DOCK2: variants seen among roughly 807,000 people sequenced by gnomAD.
The protein encoded by DOCK2 is dedicator of cytokinesis 2.
DOCK2 carries 87 observed loss-of-function variants against 248.9 expected under a neutral mutation model. The observed-to-expected ratio is 0.35, with a 90% confidence interval of 0.29 to 0.42. The LOEUF is 0.42. Among genes scored for constraint, DOCK2 ranks in the 10% least tolerant of loss-of-function variants. DOCK2 has a pLI of 1.00. For synonymous variants in DOCK2, 805 were observed against 821.6 expected (o/e 0.98, Z 0.35); for missense variants, 1,747 against 2,300.2 (o/e 0.76, Z 4.92).
intron 38 of DOCK2, among the ~76,000 whole-genome samples, chr5:170,044,072 G>A (rs1445116439): frequency 6.6e-6 from 1 of 152,200 alleles, no homozygotes; most frequent in Non-Finnish European, 1.5e-5. Context: ...GCTCCTAGAA[G>A]GAAGCCCAAA....
intron 25 of DOCK2, among the ~76,000 whole-genome samples, chr5:169,796,971 T>A (rs1036685865): frequency 6.6e-5 from 10 of 152,172 alleles, no homozygotes; most frequent in African/African-American, 2.4e-5. Flanking sequence ...CTGAGGGCAA[T>A]AGGAAGTTAC....
chr5:169,883,528 A>T (rs908475824), intron 27 of DOCK2: 1 of 1,551,644 alleles, frequency 6.4e-7, no homozygotes, highest in South Asian at 1.2e-5. Flanking sequence ...GGCTGTTGGC[A>T]TTTCCACCAG....
intron 25 of DOCK2, 61 bp downstream of exon 25, chr5:169,761,686 G>T: frequency 1.4e-6 from 2 of 1,467,900 alleles, no homozygotes; most frequent in Non-Finnish European, 1.9e-6. Flanking sequence ...ACATCATTTT[G>T]GGGAAGCTTG....
At chr5:170,066,181 ACCT>A (rs1757489068) in intron 44 of DOCK2, among the ~76,000 whole-genome samples, 1 of 151,598 alleles carries the variant, frequency 6.6e-6, no homozygotes. Flanking sequence ...CGATCTCCTG[ACCT>A]CGTGATCTGC....
intron 2 of DOCK2, among the ~76,000 whole-genome samples, chr5:169,658,623 A>C (rs891798808): frequency 6.6e-6 from 1 of 152,060 alleles, no homozygotes; most frequent in Non-Finnish European, 1.5e-5. Flanking sequence ...GTTGACTGGA[A>C]TGATATTAAT....
At chr5:169,950,604 G>A (rs565058695) in intron 27 of DOCK2, among the ~76,000 whole-genome samples, 5 of 152,300 alleles carry the variant, frequency 3.3e-5, no homozygotes, top group African/African-American at 1.2e-4. Flanking sequence ...CCTGGATCAT[G>A]CTACAGATTT....
chr5:169,930,136 G>A (rs1056883326), intron 27 of DOCK2, among the ~76,000 whole-genome samples: 1 of 152,110 alleles, frequency 6.6e-6, no homozygotes, highest in African/African-American at 2.4e-5. Context: ...GACTACAGGT[G>A]CATTCCACCA....
At chr5:169,812,546 G>A (rs1359090000) in intron 26 of DOCK2, among the ~76,000 whole-genome samples, 1 of 152,188 alleles carries the variant, frequency 6.6e-6, no homozygotes, top group Non-Finnish European at 1.5e-5. Flanking sequence ...TGTCTTCCAT[G>A]AAACTGGTCC....
intron 27 of DOCK2, among the ~76,000 whole-genome samples, chr5:169,856,211 G>A (rs919205025): frequency 2.0e-5 from 3 of 152,180 alleles, no homozygotes; most frequent in East Asian, 3.8e-4. Context: ...TACAAGAATA[G>A]CATTTGGATG....
At chr5:169,798,786 GAA>G (rs1180590573) in intron 25 of DOCK2, among the ~76,000 whole-genome samples, 1 of 152,198 alleles carries the variant, frequency 6.6e-6, no homozygotes, top group African/African-American at 2.4e-5. Flanking sequence ...ATGACTGACT[GAA>G]AGAGTCAGTT....
intron 32 of DOCK2, among the ~76,000 whole-genome samples, chr5:170,017,309 G>C (rs1398177756): frequency 6.6e-6 from 1 of 152,094 alleles, no homozygotes. Context: ...GATGAAACCA[G>C]GATGGGTGCC....
intron 27 of DOCK2, among the ~76,000 whole-genome samples, chr5:169,950,113 G>A (rs1307541751): frequency 6.6e-6 from 1 of 152,130 alleles, no homozygotes; most frequent in Non-Finnish European, 1.5e-5. Context: ...AGATGGTGGT[G>A]GCCTTTCTCT....
intron 27 of DOCK2, chr5:169,884,411 G>C (rs1336498612): frequency 1.3e-5 from 2 of 152,480 alleles, no homozygotes; most frequent in African/African-American, 2.4e-5. Context: ...AAACTTAAAT[G>C]CATCTTCTTT....
chr5:169,729,810 G>T (rs891062992), intron 22 of DOCK2, among the ~76,000 whole-genome samples: 34 of 152,258 alleles, frequency 2.2e-4, no homozygotes, highest in African/African-American at 7.9e-4. Flanking sequence ...CAGTGGTGAG[G>T]CTCTGGAGCC....
chr5:170,068,944 A>C (rs1249934944), intron 45 of DOCK2, among the ~76,000 whole-genome samples, 193 bp from the exon 46 acceptor site: 1 of 152,058 alleles, frequency 6.6e-6, no homozygotes, highest in Non-Finnish European at 1.5e-5. Context: ...GCCCATTCCC[A>C]CTGGGTGCTG....
chr5:169,830,317 T>C (rs558580423), intron 26 of DOCK2, among the ~76,000 whole-genome samples: 38 of 152,240 alleles, frequency 2.5e-4, no homozygotes, highest in Non-Finnish European at 4.4e-4. Flanking sequence ...TCAATAAATA[T>C]TGAATGATAA....
At chr5:169,735,235 G>A (rs1166415577) in intron 22 of DOCK2, among the ~76,000 whole-genome samples, 1 of 152,098 alleles carries the variant, frequency 6.6e-6, no homozygotes. Context: ...GGGTCTCCTG[G>A]TCTGGCCCTG....
intron 27 of DOCK2, among the ~76,000 whole-genome samples, chr5:169,958,607 C>A (rs1238313122): frequency 6.6e-6 from 1 of 151,008 alleles, no homozygotes; most frequent in East Asian, 1.9e-4. Flanking sequence ...TATAAATTTA[C>A]AAAATGTGGT....
chr5:169,951,560 A>C lies in DOCK2; in HGVS notation c.2800-31508A>C, dbSNP rs1389885852. On this transcript the variant is annotated intron_variant, in intron 27 of 51. Transcript: ENST00000520908. ...GACATGGACACCTGCCTTGGATCAC[A>C]CCCTGATCAGACCAGTGCACCCATT... Among the ~76,000 whole-genome samples the C allele has an allele frequency of 3.9e-5, 6 of 152,344 alleles. No individual in the cohort carries two copies. In the East Asian group the frequency reaches 9.6e-4, roughly 24 times the overall value.
Sources: allele counts gnomAD v4.1 joint callset (sites outside exome capture counted in the v4.1 genomes callset), GRCh38; gene constraint gnomAD v4.1.1; transcripts MANE v1.5; gene names NCBI Gene and HGNC (gene_info 2026-07-23, HGNC 2026-07-21).